Variants in ARID3C observed in about 807,000 individuals in gnomAD.
The protein encoded by ARID3C is AT-rich interactive domain-containing protein 3C.
Under a neutral mutation model 37.9 loss-of-function variants are expected in ARID3C, and 42 were observed. The ratio of observed to expected loss-of-function variants is 1.11; its 90% CI spans 0.87 to 1.43. The LOEUF is 1.43. Ranked by LOEUF, ARID3C falls within the 40% of genes most tolerant of loss-of-function variation. The pLI is 0.00. For synonymous variants in ARID3C, 213 were observed against 228.0 expected (o/e 0.93, Z 0.59); for missense variants, 581 against 548.8 (o/e 1.06, Z -0.59).
intron 6 of ARID3C, 99 bp from the exon 8 acceptor site, chr9:34,621,657 T>C: frequency 1.0e-5 from 9 of 887,284 alleles, no homozygotes; most frequent in South Asian, 1.6e-5. Flanking sequence ...TTCTGGTTGC[T>C]AGAACACTAC....
At chr9:34,621,887 C>T (rs1487073864) in intron 6 of ARID3C, 133 bp downstream of exon 7, 1 of 914,732 alleles carries the variant, frequency 1.1e-6, no homozygotes, top group Non-Finnish European at 1.7e-6. Context: ...TCTAGCAATC[C>T]CCTGAACTCC....
intron 2 of ARID3C, among the ~76,000 whole-genome samples, chr9:34,625,431 G>A (rs1820641274): frequency 6.6e-6 from 1 of 152,198 alleles, no homozygotes; most frequent in South Asian, 2.1e-4. Context: ...GCTGGAGGAA[G>A]GACCCTGGAC....
At chr9:34,625,202 T>G (rs751519980) in intron 2 of ARID3C, among the ~76,000 whole-genome samples, 3 of 152,130 alleles carry the variant, frequency 2.0e-5, no homozygotes, top group Admixed American at 2.0e-4. Context: ...GCTGAAGTGA[T>G]GGACTGCCGC....
exon 4 of ARID3C, chr9:34,623,502 G>A (rs1278767558): frequency 6.4e-7 from 1 of 1,557,592 alleles, no homozygotes; most frequent in Non-Finnish European, 8.7e-7. Flanking sequence ...GGCTGGGCCA[G>A]GGCTGGACTG....
chr9:34,627,872 A>C lies in ARID3C; in HGVS notation c.143T>G (p.Val48Gly), dbSNP rs368164274. The change falls in exon 1 of 7, where the codon GTT (valine) becomes GGT (glycine). Residue 48 changes from valine (V) to glycine (G), a missense_variant. Coordinates refer to ENST00000378909, the Ensembl canonical transcript of ARID3C. ...AGCATCTTCCTCTTCCTCAGCCCCA[A>C]CATTCCCCAAGGCCCCCTCAGGGGC... 47 of 1,579,002 alleles carry C rather than the reference A, an allele frequency of 3.0e-5. No individual in the cohort carries two copies. The African/African-American group carries it at 4.5e-4, about 15-fold the overall frequency.
upstream of ARID3C, among the ~76,000 whole-genome samples, chr9:34,631,888 G>T (rs1258390686): frequency 2.0e-5 from 3 of 152,204 alleles, no homozygotes; most frequent in African/African-American, 4.8e-5. Context: ...CATGGCCCTT[G>T]GCAGGGGGCC....
exon 7 of ARID3C, chr9:34,621,431 G>T: frequency 6.9e-7 from 1 of 1,441,658 alleles, no homozygotes; most frequent in Non-Finnish European, 9.3e-7. Flanking sequence ...CAATGGGGCT[G>T]GGACTCTTAG....
At chr9:34,627,779 C>A (rs1354211294) in exon 1 of ARID3C, 2 of 1,614,156 alleles carry the variant, frequency 1.2e-6, no homozygotes, top group Non-Finnish European at 1.7e-6. Context: ...GCCCTGGGCC[C>A]CTGGACGGCT....
At chr9:34,626,335 G>A (rs2132313771) in intron 1 of ARID3C, among the ~76,000 whole-genome samples, 1 of 152,268 alleles carries the variant, frequency 6.6e-6, no homozygotes, top group Non-Finnish European at 1.5e-5. Flanking sequence ...AGAAGCTCCT[G>A]GGTTGACACC....
chr9:34,621,396 A>G (rs1311024042), exon 7 of ARID3C: 1 of 1,180,566 alleles, frequency 8.5e-7, no homozygotes, highest in Non-Finnish European at 1.2e-6. Context: ...AAAGAATCAA[A>G]GCAGGGGGTC....
exon 7 of ARID3C, chr9:34,621,415 C>A (rs776704881): frequency 1.4e-5 from 19 of 1,346,196 alleles, no homozygotes; most frequent in African/African-American, 3.1e-5. Flanking sequence ...TCTCCTCCCC[C>A]CTCAGCAATG....
exon 4 of ARID3C, chr9:34,623,486 A>G: frequency 6.5e-7 from 1 of 1,544,480 alleles, no homozygotes; most frequent in Non-Finnish European, 8.7e-7. Flanking sequence ...CGGAGGTGGA[A>G]CCCTGGGCTG....
chr9:34,632,551 G>A (rs554079134), upstream of ARID3C, among the ~76,000 whole-genome samples: 1 of 152,150 alleles, frequency 6.6e-6, no homozygotes, highest in Non-Finnish European at 1.5e-5. Flanking sequence ...ATCAGTTAGG[G>A]GGCCATTGCA....
At chr9:34,622,351 C>A in exon 5 of ARID3C, 1 of 1,606,882 alleles carries the variant, frequency 6.2e-7, no homozygotes, top group Non-Finnish European at 8.5e-7. Context: ...CCTCACCCCT[C>A]AGGGGAACCT....
intron 2 of ARID3C, among the ~76,000 whole-genome samples, chr9:34,625,001 C>T (rs1820634892): frequency 6.7e-6 from 1 of 149,274 alleles, no homozygotes; most frequent in Non-Finnish European, 1.5e-5. Context: ...GGTAAGGGAC[C>T]AGAAAGAGGT....
At chr9:34,628,840 C>A (rs1342360498), upstream of ARID3C, among the ~76,000 whole-genome samples, 1 of 152,114 alleles carries the variant, frequency 6.6e-6, no homozygotes, top group African/African-American at 2.4e-5. This position sits in a 1 kb window ranked among gnomAD's most constrained non-coding sequence, Gnocchi z 5.2. Context: ...GGGACGGGCA[C>A]GGGACCGGAC....
exon 6 of ARID3C, chr9:34,622,039 G>C (rs760156708): frequency 6.2e-7 from 1 of 1,614,128 alleles, no homozygotes; most frequent in Non-Finnish European, 8.5e-7. Context: ...CCACCCCGTT[G>C]ATCTCTAGGG....
At chr9:34,627,652 A>C in intron 1 of ARID3C, 45 bp downstream of exon 2, 1 of 1,526,710 alleles carries the variant, frequency 6.6e-7, no homozygotes. Context: ...TTGCCAGAAG[A>C]GAGAGATAGG....
Position 34,625,777 on chromosome 9 carries a change from AATTCCTTCCTCTTGGGGTC to A in ARID3C, c.337_355del (p.Asp113PhefsTer16). The A allele has an allele frequency of 6.2e-7, 1 of 1,613,952 alleles. No homozygotes were observed. ...CATGAAGCTAAACAGGTCATCCAGA[AATTCCTTCCTCTTGGGGTC>A]TGCATCGAGCTCATACAGCTGGGGA... On this transcript the variant is annotated frameshift_variant, in exon 2 of 7. Transcript: ENST00000378909. LOFTEE classifies it high-confidence loss of function.
Sources: gnomAD v4.1 joint callset for allele counts (sites outside exome capture counted in the v4.1 genomes callset) on GRCh38, gnomAD v4.1.1 for gene constraint, Gnocchi (gnomAD v3.1) non-coding constraint, MANE v1.5 for transcripts, NCBI Gene and HGNC (gene_info 2026-07-23, HGNC 2026-07-21) for gene names.